MED13: variants seen among roughly 807,000 people sequenced by gnomAD.
MED13 encodes mediator of RNA polymerase II transcription subunit 13.
MED13 carries 23 observed loss-of-function variants against 225.2 expected under a neutral mutation model. The observed-to-expected ratio is 0.10, with a 90% CI of 0.07 to 0.14. The LOEUF (loss-of-function observed/expected upper bound fraction) is 0.14, where lower values mean the gene tolerates loss of function less well. Ranked by LOEUF, MED13 falls within the 10% of genes least tolerant of loss-of-function variation. MED13 has a pLI of 1.00. For synonymous variants in MED13, 942 were observed against 889.2 expected (o/e 1.06, Z -1.06); for missense variants, 2,197 against 2,594.5 (o/e 0.85, Z 3.33).
Position 61,955,855 on chromosome 17 carries a change from TAAAAA to T in MED13, c.5624-22_5624-18del, listed in dbSNP as rs61326861. The T allele has an allele frequency of 3.3e-3, 2,676 of 809,042 alleles. No homozygotes were observed. Among genetic ancestry groups the T allele is most frequent in the East Asian group, 8.6e-3 (114 of 13,238 alleles). 50.1% of individuals were successfully genotyped at this position (809,042 alleles called of 1,614,324 possible). On this transcript the variant is annotated intron_variant, in intron 24 of 29. Coordinates refer to ENST00000397786, the MANE Select transcript of MED13 (RefSeq NM_005121.3). ...AGCTCCAATCTGTGGGTATCAACAG[TAAAAA>T]AAAAAAAAAAAAAAAAAAAAATCAA... is the stretch of plus-strand genomic sequence containing the variant.
In MED13 at chr17:61,984,354, A is replaced by C; in HGVS notation, c.2705T>G (p.Val902Gly). Residue 902 changes from valine (V) to glycine (G), a missense_variant, in exon 15 of 30, where the codon GTC (valine) becomes GGC (glycine). By Grantham distance (109) the Val-to-Gly change is moderately radical (BLOSUM62 -3). Transcript: ENST00000397786. ...KPSEIKDFSY[V>G]YKPENCQILV... ...AATTTGACAATTTTCAGGCTTATAG[A>C]CATAAGAAAAATCCTACAATATAAA... is the stretch of plus-strand genomic sequence containing the variant. The C allele has an allele frequency of 6.4e-7, 1 of 1,564,794 alleles. No individual in the cohort carries two copies. Among genetic ancestry groups the C allele is most frequent in the Non-Finnish European group, 8.6e-7 (1 of 1,162,350 alleles).
intron 3 of MED13, among the ~76,000 whole-genome samples, chr17:62,042,560 CA>C (rs377646442): frequency 6.9e-3 from 415 of 60,286 alleles, no homozygotes; most frequent in East Asian, 0.014. Context: ...GGTTTCATCT[CA>C]AAAAAAAAAA....
rs999099033 is a variant in MED13, at chr17:61,982,487, T to C, written c.3516A>G (p.Glu1172=). 3.7e-6 allele frequency: 6 copies of C among 1,614,130 alleles called. No individual in the cohort carries two copies. The African/African-American group carries it at 6.7e-5, about 18-fold the overall frequency. ...ATTCCTTTAGTCCTCCATTAACATG[T>C]TCAGCAGAGGTAGCCCTGAGAGCTT... ...RFEALRATSA[E]HVNGGLKESE... is the part of the protein sequence containing the mutation. The change falls in exon 16 of 30, where the codon GAA becomes GAG. Residue 1172 remains glutamate, a synonymous_variant. Transcript: ENST00000397786.
chr17:62,054,117 G>A (rs1425660422), intron 2 of MED13, among the ~76,000 whole-genome samples: 8 of 151,970 alleles, frequency 5.3e-5, no homozygotes, highest in Non-Finnish European at 7.4e-5. Context: ...GACCAGCCTC[G>A]CCAACATGAT....
At chr17:62,065,080 C>A in intron 1 of MED13, 60 bp downstream of exon 1, 3 of 1,439,288 alleles carry the variant, frequency 2.1e-6, no homozygotes, top group Middle Eastern at 1.9e-4. Flanking sequence ...CCCTCCCCCA[C>A]GGCCCAAGGG....
chr17:61,976,212 A>G (rs2080154972), intron 16 of MED13, among the ~76,000 whole-genome samples: 1 of 152,252 alleles, frequency 6.6e-6, no homozygotes, highest in Admixed American at 6.5e-5. Context: ...TCTTCATACA[A>G]TGGAATATTA....
chr17:62,011,192 T>G lies in MED13; in HGVS notation c.1325A>C (p.Gln442Pro). 1 of 1,611,856 alleles carries G rather than the reference T, an allele frequency of 6.2e-7. No individual in the cohort carries two copies. The highest frequency in any genetic ancestry group is 1.1e-5 in the South Asian group (1 of 90,456). Residue 442 changes from glutamine (Q) to proline (P), a missense_variant, in exon 9 of 30, where the codon CAG becomes CCG. By Grantham distance (76) the Gln-to-Pro change is moderately conservative (BLOSUM62 -1). Coordinates refer to ENST00000397786, the MANE Select transcript of MED13 (RefSeq NM_005121.3). ...TTGTTGCTGACCTAAAGATGGTGCC[T>G]GTCCTTGTTGTCCAGCATTTCTTGA... The part of the protein sequence containing the change: ...LKSRNAGQQG[Q>P]APSLGQQQQI...
intron 11 of MED13, among the ~76,000 whole-genome samples, chr17:61,987,452 C>CA (rs1018931615): frequency 5.0e-4 from 75 of 149,844 alleles, no homozygotes; most frequent in Non-Finnish European, 9.2e-4. Context: ...AAACAAAAAA[C>CA]AAAAAAAAAC....
intron 16 of MED13, among the ~76,000 whole-genome samples, chr17:61,978,417 A>G (rs751943372): frequency 4.6e-5 from 7 of 151,862 alleles, no homozygotes; most frequent in African/African-American, 7.3e-5. Context: ...ATGCCCAGCT[A>G]ATTTTTGTAT....
At chr17:62,009,868 T>C (rs1238681031) in intron 9 of MED13, among the ~76,000 whole-genome samples, 1 of 152,132 alleles carries the variant, frequency 6.6e-6, no homozygotes, top group Non-Finnish European at 1.5e-5. Context: ...GGAAATACCA[T>C]AAAGCAATTA....
At chr17:62,010,142 A>G (rs550998545) in intron 9 of MED13, among the ~76,000 whole-genome samples, 2 of 151,922 alleles carry the variant, frequency 1.3e-5, no homozygotes, top group Non-Finnish European at 2.9e-5. Context: ...GGGTCGCTTG[A>G]ACCCAGAGGC....
At chr17:61,970,760 G>A (rs1455922138) in intron 17 of MED13, among the ~76,000 whole-genome samples, 2 of 144,774 alleles carry the variant, frequency 1.4e-5, no homozygotes, top group Non-Finnish European at 3.0e-5. Flanking sequence ...TACACGTCTG[G>A]GTGCTTATAA....
At position 61,967,185 on chromosome 17, in the gene MED13, A is replaced by G. The variant is rs527704344; in HGVS notation, c.4192-534T>C. ...AAAACATTGGATTAAGCAAACTTAG[A>G]AGAGTTCTTTACTGTAAGAATTTCA... is the stretch of plus-strand genomic sequence containing the variant. On this transcript the variant is annotated intron_variant, in intron 18 of 29. Coordinates refer to ENST00000397786, the MANE Select transcript of MED13 (RefSeq NM_005121.3). 2.0e-5 allele frequency among the ~76,000 whole-genome samples: 3 copies of G among 152,302 alleles called. No homozygotes were observed. In the East Asian group the frequency reaches 5.8e-4, roughly 29 times the overall value.
Position 62,002,707 on chromosome 17 carries a change from G to GA in MED13, c.1968-7343dup, listed in dbSNP as rs147708471. Among the ~76,000 whole-genome samples the GA allele has an allele frequency of 5.8e-3, 885 of 151,608 alleles. 8 individuals are homozygous for GA. Among genetic ancestry groups the GA allele is most frequent in the African/African-American group, 0.02 (833 of 41,314 alleles). On this transcript the variant is annotated intron_variant, in intron 9 of 29. Coordinates refer to ENST00000397786, the MANE Select transcript of MED13 (RefSeq NM_005121.3). Reference sequence around the variant, plus strand: ...TCCAACAAAATCCTTTTCACTATAAGAAAAAAAAGCATTTTTGTTTCAGCA... The same window carrying GA: ...TCCAACAAAATCCTTTTCACTATAAGAAAAAAAAAGCATTTTTGTTTCAGCA...
rs1040065636 is a variant in MED13, at chr17:61,966,367, C to T, written c.4381+95G>A. The T allele has an allele frequency of 7.3e-6, 7 of 953,972 alleles. 1 individual carries two copies. In the Middle Eastern group the frequency reaches 9.2e-4, roughly 126 times the overall value. The allele number at this position is 953,972 out of a possible 1,614,324, so 59.1% of individuals were successfully genotyped here. A position where few individuals can be genotyped will look rare whatever the true frequency, so the allele number is the denominator to read the frequency against. The stretch of plus-strand genomic sequence containing the variant: ...AGAGAAAATACATAAATGAGGATGG[C>T]TGTGTTCCAATAAAATTTTATCTAC... On this transcript the variant is annotated intron_variant, in intron 19 of 29. Transcript: ENST00000397786.
Position 61,945,294 on chromosome 17 carries a change from A to T in MED13, c.*1174T>A, listed in dbSNP as rs1319820790. ...AATCTTTAATTTAAAAAAAAAAGTC[A>T]AACAATCAAGAATGACTGCTTGAAA... On this transcript the variant is annotated 3_prime_UTR_variant, in exon 30 of 30. Coordinates refer to ENST00000397786, the MANE Select transcript of MED13 (RefSeq NM_005121.3). 1 of 152,372 alleles carries T rather than the reference A, an allele frequency of 6.6e-6. No homozygotes were observed. The highest frequency in any genetic ancestry group is 1.5e-5 in the Non-Finnish European group (1 of 68,032). The allele number at this position is 152,372 out of a possible 1,614,324, so 9.4% of individuals were successfully genotyped here. A position where few individuals can be genotyped will look rare whatever the true frequency, so the allele number is the denominator to read the frequency against.
intron 2 of MED13, among the ~76,000 whole-genome samples, chr17:62,059,272 G>C: frequency 6.6e-6 from 1 of 152,086 alleles, no homozygotes; most frequent in East Asian, 1.9e-4. Context: ...GGAGCTAAGG[G>C]GGTTAAACAA....
rs755308617 is a variant in MED13, at chr17:61,966,469, A to G, written c.4374T>C (p.Tyr1458=). 5 of 1,610,784 alleles carry G rather than the reference A, an allele frequency of 3.1e-6. No homozygotes were observed. Among genetic ancestry groups the G allele is most frequent in the Admixed American group, 1.7e-5 (1 of 59,200 alleles). ...KLKLYAQVCR[Y]DLGPYLASLP... ...TAAATACAAATTCAATACCTAGGTCATATCTGCAGACTTGTGCATAAAGCT... is the reference window on the plus strand; with the variant it reads ...TAAATACAAATTCAATACCTAGGTCGTATCTGCAGACTTGTGCATAAAGCT... The change falls in exon 19 of 30, where the codon TAT becomes TAC. Residue 1458 remains tyrosine, a synonymous_variant. Coordinates refer to ENST00000397786, the MANE Select transcript of MED13 (RefSeq NM_005121.3).
intron 9 of MED13, among the ~76,000 whole-genome samples, chr17:62,008,538 G>C (rs1030539673): frequency 7.9e-5 from 12 of 151,846 alleles, no homozygotes; most frequent in Non-Finnish European, 1.6e-4. Context: ...AGACAGTAAA[G>C]CAATGCCTAT....
Sources: allele counts gnomAD v4.1 joint callset (sites outside exome capture counted in the v4.1 genomes callset), GRCh38; gene constraint gnomAD v4.1.1; transcripts MANE v1.5; gene names NCBI Gene and HGNC (gene_info 2026-07-23, HGNC 2026-07-21).